The following SNX29 variants were observed in gnomAD, a reference collection of about 807,000 sequenced individuals.
SNX29 encodes sorting nexin 29.
Under a neutral mutation model 102.1 loss-of-function variants are expected in SNX29, and 78 were observed. The ratio of observed to expected loss-of-function variants is 0.76; its 90% confidence interval spans 0.64 to 0.92. SNX29 has a LOEUF of 0.92. Ranked by LOEUF, SNX29 falls within the 40% of genes least tolerant of loss-of-function variation. The probability of loss-of-function intolerance (pLI) is 0.00; values close to 1 mark genes in which losing one functional copy is unlikely to be tolerated. For synonymous variants in SNX29, 580 were observed against 414.5 expected (o/e 1.40, Z -4.85); for missense variants, 1,280 against 1,061.7 (o/e 1.21, Z -2.86).
chr16:12,042,282 A>G (rs559263206), intron 4 of SNX29, among the ~76,000 whole-genome samples: 14 of 152,278 alleles, frequency 9.2e-5, no homozygotes, highest in African/African-American at 2.9e-4. Flanking sequence ...CCACCACATC[A>G]GCCTCCCAAG....
chr16:12,244,119 C>A (rs1205213013), intron 14 of SNX29, among the ~76,000 whole-genome samples: 1 of 152,154 alleles, frequency 6.6e-6, no homozygotes, highest in Non-Finnish European at 1.5e-5. Context: ...CTAATGCCAC[C>A]TCTGATCTGA....
intron 20 of SNX29, among the ~76,000 whole-genome samples, chr16:12,525,117 C>G (rs566717484): frequency 5.3e-4 from 80 of 152,198 alleles, no homozygotes; most frequent in Admixed American, 1.2e-3. Flanking sequence ...TACTTTCACA[C>G]ATTTCGATCA....
intron 20 of SNX29, among the ~76,000 whole-genome samples, chr16:12,564,615 T>TA (rs2078914053): frequency 6.6e-6 from 1 of 151,712 alleles, no homozygotes; most frequent in South Asian, 2.1e-4. Context: ...GTAACAGACC[T>TA]AGTCCCAGCA....
rs1449230904 is a variant in SNX29 at position 12,571,962 on chromosome 16, C to T, written c.*3333C>T. The T allele has an allele frequency of 9.4e-7, 1 of 1,061,848 alleles. No homozygotes were observed. The highest frequency in any genetic ancestry group is 1.1e-6 in the Non-Finnish European group (1 of 877,070). The allele number at this position is 1,061,848 out of a possible 1,614,324, so 65.8% of individuals were successfully genotyped here. ...CTTTCAGGGAAGAGGCTCTTACAGT[C>T]TATGGTGGTAGCCATCTTCACATCC... On this transcript the variant is annotated 3_prime_UTR_variant, in exon 21 of 21. Transcript: ENST00000566228.
chr16:12,539,367 C>G (rs908023971), intron 20 of SNX29, among the ~76,000 whole-genome samples: 4 of 152,066 alleles, frequency 2.6e-5, no homozygotes, highest in Admixed American at 1.3e-4. Context: ...TGTAAGCAAC[C>G]TCTTGAGGCT....
At position 12,365,685 on chromosome 16, in the gene SNX29, C is replaced by T. The variant is rs148814006; in HGVS notation, c.1899+9406C>T. Among the ~76,000 whole-genome samples, 97 of 140,392 alleles carry T rather than the reference C, an allele frequency of 6.9e-4. 2 individuals carry two copies. In the East Asian group the frequency reaches 0.012, roughly 17 times the overall value. The allele number at this position is 140,392 out of a possible 152,430, so 92.1% of individuals were successfully genotyped here. A position where few individuals can be genotyped will look rare whatever the true frequency, so the allele number is the denominator to read the frequency against. On this transcript the variant is annotated intron_variant, in intron 16 of 20. Transcript: ENST00000566228. ...CAGCCTGGGTGACAGAGCAAGACTC[C>T]ATCTCCAAAAAAAAAAAAGGCTCTT...
At chr16:12,214,541 T>A (rs1027954830) in intron 14 of SNX29, among the ~76,000 whole-genome samples, 1 of 152,200 alleles carries the variant, frequency 6.6e-6, no homozygotes, top group African/African-American at 2.4e-5. Context: ...AATGATGCCG[T>A]GGACCTTGGT....
At chr16:12,549,525 T>C (rs1367644827) in intron 20 of SNX29, among the ~76,000 whole-genome samples, 1 of 79,428 alleles carries the variant, frequency 1.3e-5, no homozygotes, top group Non-Finnish European at 2.1e-5. Flanking sequence ...TTTCATCCTC[T>C]ATCTCAAATA....
At chr16:12,457,184 A>G (rs1234685767) in intron 18 of SNX29, among the ~76,000 whole-genome samples, 2 of 152,248 alleles carry the variant, frequency 1.3e-5, no homozygotes, top group Admixed American at 6.5e-5. Context: ...TGCTAATAAC[A>G]GTACAATAAA....
intron 20 of SNX29, among the ~76,000 whole-genome samples, chr16:12,530,022 A>C (rs1460808715): frequency 1.3e-5 from 2 of 152,202 alleles, no homozygotes; most frequent in Non-Finnish European, 2.9e-5. Context: ...TAAAGTGTCC[A>C]TGCATGTGAC....
At chr16:12,088,095 C>A (rs1437111709) in intron 11 of SNX29, 1 of 456,572 alleles carries the variant, frequency 2.2e-6, no homozygotes. Context: ...GCTCTCCACA[C>A]AGGTCCTGCC....
intron 14 of SNX29, among the ~76,000 whole-genome samples, chr16:12,264,366 G>A (rs1426645093): frequency 1.3e-5 from 2 of 152,214 alleles, no homozygotes; most frequent in African/African-American, 2.4e-5. Flanking sequence ...GTAATTTCCC[G>A]AGGAAGGCTT....
rs186816644 is a variant in SNX29, at chr16:11,991,268, C to T, written c.8-8029C>T. 1.1e-4 allele frequency among the ~76,000 whole-genome samples: 17 copies of T among 152,326 alleles called. No homozygotes were observed. The East Asian group carries it at 3.3e-3, about 29-fold the overall frequency. On this transcript the variant is annotated intron_variant, in intron 1 of 20. Coordinates refer to ENST00000566228, the MANE Select transcript of SNX29 (RefSeq NM_032167.5). ...ATTTATTGTGTATTCATCTGCCCTT[C>T]CCGATGCTCTAGCCACTGCATAGAT...
intron 3 of SNX29, among the ~76,000 whole-genome samples, chr16:12,012,173 G>A (rs1359362298): frequency 2.6e-5 from 4 of 152,152 alleles, no homozygotes; most frequent in Admixed American, 6.5e-5. Context: ...ATGGTGACCT[G>A]TAATAAATAT....
intron 4 of SNX29, chr16:12,029,549 G>A (rs1286463120): frequency 1.3e-5 from 6 of 453,272 alleles, no homozygotes; most frequent in Admixed American, 9.4e-5. Context: ...AACCACTGCC[G>A]TTATTGGCGT....
At position 12,546,689 on chromosome 16, in the gene SNX29, G is replaced by C. The variant is rs190512142; in HGVS notation, c.2319-21817G>C. The C allele has an allele frequency of 5.9e-5, 9 of 152,290 alleles. No homozygotes were observed. In the East Asian group the frequency reaches 1.7e-3, roughly 29 times the overall value. 9.4% of individuals were successfully genotyped at this position (152,290 alleles called of 1,614,324 possible). The stretch of plus-strand genomic sequence containing the variant: ...AAATCTTCCTTTTTGAATCCATCTA[G>C]ACCCACTGTGATTAAAGCTATTATT... On this transcript the variant is annotated intron_variant, in intron 20 of 20. Coordinates refer to ENST00000566228, the MANE Select transcript of SNX29 (RefSeq NM_032167.5).
intron 18 of SNX29, among the ~76,000 whole-genome samples, chr16:12,437,887 T>C (rs112231226): frequency 0.017 from 2,602 of 152,190 alleles, 78 homozygotes; most frequent in African/African-American, 0.06. Flanking sequence ...GCCTGGCATC[T>C]TCATGCTGGG....
intron 18 of SNX29, among the ~76,000 whole-genome samples, chr16:12,446,105 G>C (rs1224149004): frequency 6.9e-6 from 1 of 145,856 alleles, no homozygotes; most frequent in African/African-American, 2.6e-5. Context: ...GCCCAGCCTG[G>C]AGTGCAGCGG....
At chr16:12,462,798 A>C (rs111232146) in intron 18 of SNX29, among the ~76,000 whole-genome samples, 1 of 152,238 alleles carries the variant, frequency 6.6e-6, no homozygotes, top group South Asian at 2.1e-4. Context: ...AAAAAGCTCT[A>C]TGCAGAATAT....
Sources: allele counts gnomAD v4.1 joint callset (sites outside exome capture counted in the v4.1 genomes callset), GRCh38; gene constraint gnomAD v4.1.1; transcripts MANE v1.5; gene names NCBI Gene and HGNC (gene_info 2026-07-23, HGNC 2026-07-21).